The following MBNL2 variants were observed in gnomAD, a reference collection of about 807,000 sequenced individuals.
MBNL2 encodes muscleblind like splicing regulator 2.
In MBNL2, 17 loss-of-function variants were observed where a neutral mutation model predicts 41.9. That is an observed-to-expected ratio of 0.41 (90% CI 0.28 to 0.61). The LOEUF (loss-of-function observed/expected upper bound fraction) is 0.61. Ranked by LOEUF, MBNL2 falls within the 20% of genes least tolerant of loss-of-function variation. MBNL2 has a pLI of 0.35. For missense variants in MBNL2, 336 were observed against 505.6 expected, an observed-to-expected ratio of 0.66 and a Z score of 3.22; for synonymous variants, 195 against 182.9, an observed-to-expected ratio of 1.07 and a Z score of -0.53.
the MBNL2 span, among the ~76,000 whole-genome samples, chr13:97,208,717 C>A: frequency 1.2e-4 from 19 of 152,320 alleles, no homozygotes; most frequent in Admixed American, 9.1e-4. Context: ...ATAATGAGAT[C>A]AACCTCTAAT....
chr13:97,279,113 C>T (rs367866178), intron 2 of MBNL2, among the ~76,000 whole-genome samples: 169 of 152,268 alleles, frequency 1.1e-3, no homozygotes, highest in African/African-American at 3.8e-3. Flanking sequence ...AAAATAATGA[C>T]AATGATAATT....
At chr13:97,219,931 G>A (rs1235934250), upstream of MBNL2, among the ~76,000 whole-genome samples, 2 of 152,226 alleles carry the variant, frequency 1.3e-5, no homozygotes, top group African/African-American at 2.4e-5. Context: ...AAAGCCACTG[G>A]TAGAGATGAA....
At chr13:97,225,198 G>A (rs2041417517) in intron 1 of MBNL2, among the ~76,000 whole-genome samples, 1 of 152,168 alleles carries the variant, frequency 6.6e-6, no homozygotes, top group South Asian at 2.1e-4. Flanking sequence ...TCAAGATCAG[G>A]TACTCAAGAT....
intron 2 of MBNL2, among the ~76,000 whole-genome samples, chr13:97,282,143 G>C (rs182735093): frequency 8.6e-5 from 13 of 151,908 alleles, no homozygotes; most frequent in Admixed American, 8.5e-4. Context: ...CTCCAGCCTT[G>C]GGAGATCAAG....
the MBNL2 span, among the ~76,000 whole-genome samples, chr13:97,215,782 T>G: frequency 6.6e-6 from 1 of 152,202 alleles, no homozygotes; most frequent in Non-Finnish European, 1.5e-5. Flanking sequence ...TGAAAAAAAT[T>G]ATGGAATACC....
intron 1 of MBNL2, among the ~76,000 whole-genome samples, chr13:97,263,415 T>C (rs2049032605): frequency 6.6e-6 from 1 of 152,194 alleles, no homozygotes; most frequent in South Asian, 2.1e-4. Context: ...TACTTAGTGA[T>C]ACTTAGGCAG....
intron 5 of MBNL2, among the ~76,000 whole-genome samples, chr13:97,348,799 A>G (rs2062141723): frequency 6.6e-6 from 1 of 152,194 alleles, no homozygotes; most frequent in South Asian, 2.1e-4. Context: ...CCATCACCTC[A>G]TACACTGATT....
intron 1 of MBNL2, among the ~76,000 whole-genome samples, chr13:97,266,264 AATT>A (rs2049773976): frequency 6.6e-6 from 1 of 152,022 alleles, no homozygotes; most frequent in Non-Finnish European, 1.5e-5. Flanking sequence ...TAAATAAATT[AATT>A]AATTAATTAA....
chr13:97,178,851 T>A, the MBNL2 span, among the ~76,000 whole-genome samples: 1 of 152,080 alleles, frequency 6.6e-6, no homozygotes, highest in Non-Finnish European at 1.5e-5. Flanking sequence ...GAGCCATGAT[T>A]ACACCACTGC....
intron 1 of MBNL2, among the ~76,000 whole-genome samples, chr13:97,240,131 CAT>C (rs2043996965): frequency 2.0e-5 from 3 of 152,208 alleles, no homozygotes; most frequent in Admixed American, 6.5e-5. Context: ...CCCCACCTCC[CAT>C]GATTCTGACT....
Position 97,276,279 on chromosome 13 carries a change from C to T in MBNL2, c.44C>T (p.Thr15Ile). ...VAPVRDTKWL[T>I]LEVCRQFQRG... The stretch of plus-strand genomic sequence containing the variant: ...CCAGTCAGAGATACAAAATGGCTGA[C>T]ATTAGAAGTCTGCAGACAGTTTCAA... Residue 15 changes from threonine (T) to isoleucine (I), a missense_variant, in exon 2 of 9, where the codon ACA (threonine) becomes ATA (isoleucine). Physicochemically the swap from Thr to Ile is moderately conservative, Grantham distance 89. Coordinates refer to ENST00000679496, the MANE Select transcript of MBNL2 (RefSeq NM_001382683.1). 1 of 1,613,952 alleles carries T rather than the reference C, an allele frequency of 6.2e-7. No individual in the cohort carries two copies. The highest frequency in any genetic ancestry group is 2.2e-5 in the East Asian group (1 of 44,876).
chr13:97,357,746 T>A lies in MBNL2; in HGVS notation c.1012+111T>A, dbSNP rs1377825160. On this transcript the variant is annotated intron_variant, in intron 7 of 8. Transcript: ENST00000679496. The stretch of plus-strand genomic sequence containing the variant: ...TTTGCTTTTGAAGGTATAATACAGT[T>A]TGAAATTCATCGTTGTCCTAGCTAT... 9.9e-6 allele frequency: 10 copies of A among 1,010,500 alleles called. No homozygotes were observed. In the South Asian group the frequency reaches 1.3e-4, roughly 13 times the overall value. The allele number at this position is 1,010,500 out of a possible 1,614,324, so 62.6% of individuals were successfully genotyped here.
intron 2 of MBNL2, among the ~76,000 whole-genome samples, chr13:97,310,439 CT>C (rs550667470): frequency 1.6e-5 from 2 of 124,188 alleles, no homozygotes; most frequent in East Asian, 2.3e-4. Context: ...TCTTTTTTTT[CT>C]TTTTTTTGAG....
chr13:97,329,819 C>T (rs1211518058), intron 2 of MBNL2, among the ~76,000 whole-genome samples: 1 of 126,616 alleles, frequency 7.9e-6, no homozygotes, highest in Non-Finnish European at 1.7e-5. Flanking sequence ...TACATGCATA[C>T]ACATGCAACA....
the MBNL2 span, among the ~76,000 whole-genome samples, chr13:97,182,848 T>C: frequency 7.9e-5 from 12 of 152,150 alleles, no homozygotes; most frequent in Admixed American, 6.5e-5. Context: ...TTCCCCTCCA[T>C]TGTGTATTTA....
chr13:97,374,063 ATTTTTTTTTTTTTTT>A (rs61185219), intron 8 of MBNL2, among the ~76,000 whole-genome samples: 2 of 63,106 alleles, frequency 3.2e-5, no homozygotes, highest in East Asian at 9.0e-4. Flanking sequence ...CCTCCTTTGC[ATTTTTTTTTTTTTTT>A]TTTTTTTTTT....
At chr13:97,218,440 C>CAAAACAACAA (rs55815508), upstream of MBNL2, among the ~76,000 whole-genome samples, 60 of 117,968 alleles carry the variant, frequency 5.1e-4, 1 homozygote, top group African/African-American at 1.1e-3. Context: ...CAAAACAAAA[C>CAAAACAACAA]AAAAAAAAAA....
the MBNL2 span, among the ~76,000 whole-genome samples, chr13:97,210,226 G>A: frequency 2.6e-5 from 4 of 152,210 alleles, no homozygotes; most frequent in Admixed American, 2.6e-4. Flanking sequence ...CTCAGAGTAT[G>A]TATCTATAAA....
At chr13:97,224,795 A>C (rs1331116204) in intron 1 of MBNL2, among the ~76,000 whole-genome samples, 2 of 152,260 alleles carry the variant, frequency 1.3e-5, no homozygotes, top group Admixed American at 6.5e-5. Context: ...GTGCTCATGT[A>C]AATTTTTTAG....
Sources: gnomAD v4.1 joint callset for allele counts (sites outside exome capture counted in the v4.1 genomes callset) on GRCh38, gnomAD v4.1.1 for gene constraint, MANE v1.5 for transcripts, NCBI Gene and HGNC (gene_info 2026-07-23, HGNC 2026-07-21) for gene names.